The following ELF2 variants were observed in gnomAD, a reference collection of about 807,000 sequenced individuals.
ELF2 encodes E74 like ETS transcription factor 2, also known as ETS-related transcription factor Elf-2.
ELF2 carries 11 observed loss-of-function variants against 54.8 expected under a neutral mutation model. That is an observed-to-expected ratio of 0.20 (90% CI 0.13 to 0.33). The LOEUF (loss-of-function observed/expected upper bound fraction) is 0.33, where lower values mean the gene tolerates loss of function less well. Among genes scored for constraint, ELF2 ranks in the 10% least tolerant of loss-of-function variants. ELF2 has a pLI of 1.00. For missense variants in ELF2, 513 were observed against 703.0 expected (o/e 0.73, Z 3.06); for synonymous variants, 203 against 245.1 (o/e 0.83, Z 1.61).
At chr4:139,148,395 G>A (rs1390474795) in intron 1 of ELF2, among the ~76,000 whole-genome samples, 10 of 125,842 alleles carry the variant, frequency 7.9e-5, no homozygotes, top group African/African-American at 2.4e-4. Context: ...TCAAATTCCT[G>A]GGCTCAAGTG....
chr4:139,083,048 C>A (rs928231514), intron 4 of ELF2, among the ~76,000 whole-genome samples: 4 of 152,174 alleles, frequency 2.6e-5, no homozygotes, highest in African/African-American at 4.8e-5. Flanking sequence ...ATTGGCCCAG[C>A]GCGGGCCCGT....
intron 4 of ELF2, among the ~76,000 whole-genome samples, chr4:139,092,635 C>G (rs1000298155): frequency 2.6e-5 from 4 of 151,616 alleles, no homozygotes; most frequent in African/African-American, 9.7e-5. Context: ...CACGTCTCTA[C>G]TAAAAAATAC....
chr4:139,116,050 G>A (rs1735677839), intron 4 of ELF2, among the ~76,000 whole-genome samples: 1 of 152,038 alleles, frequency 6.6e-6, no homozygotes. Context: ...TGCCAAGTTG[G>A]CCAGGCTGGT....
intron 1 of ELF2, among the ~76,000 whole-genome samples, chr4:139,142,389 T>C (rs1286194549): frequency 6.8e-6 from 1 of 146,926 alleles, no homozygotes; most frequent in Non-Finnish European, 1.5e-5. Context: ...TGAAGTGAAG[T>C]GAGCAAGAGG....
At chr4:139,165,970 GCTGATTATAATAAA>G (rs1741678544) in intron 1 of ELF2, among the ~76,000 whole-genome samples, 1 of 152,108 alleles carries the variant, frequency 6.6e-6, no homozygotes, top group Admixed American at 6.5e-5. Flanking sequence ...TTTGTCAATT[GCTGATTATAATAAA>G]CTTCATCAGA....
chr4:139,153,403 C>T (rs1369611597), intron 1 of ELF2, among the ~76,000 whole-genome samples: 2 of 151,418 alleles, frequency 1.3e-5, no homozygotes, highest in African/African-American at 4.9e-5. Context: ...CCACTGCACT[C>T]CAGCCTGAGT....
chr4:139,086,732 A>G (rs368688212), intron 4 of ELF2, among the ~76,000 whole-genome samples: 3 of 152,236 alleles, frequency 2.0e-5, no homozygotes, highest in African/African-American at 7.2e-5. Context: ...TGAAAGTCTT[A>G]GAGACAATAT....
At chr4:139,059,683 A>G (rs764836073) in intron 9 of ELF2, 76 bp from the exon 10 acceptor site, 16 of 1,509,370 alleles carry the variant, frequency 1.1e-5, no homozygotes, top group Non-Finnish European at 1.3e-5. Context: ...TAAAAGATTA[A>G]TACAAATCCA....
intron 4 of ELF2, among the ~76,000 whole-genome samples, chr4:139,123,983 A>T (rs1196780976): frequency 1.3e-5 from 2 of 152,210 alleles, no homozygotes. Flanking sequence ...TATATACTGT[A>T]AATCAGATAC....
chr4:139,151,531 C>A (rs947955545), intron 1 of ELF2, among the ~76,000 whole-genome samples: 21 of 152,188 alleles, frequency 1.4e-4, no homozygotes, highest in African/African-American at 4.6e-4. Context: ...AAATCTGATG[C>A]GAGTTCTTGT....
intron 5 of ELF2, chr4:139,072,252 T>G: frequency 2.0e-6 from 1 of 492,314 alleles, no homozygotes; most frequent in South Asian, 2.6e-5. Flanking sequence ...AGGAAAAATG[T>G]TAATCCTCTG....
intron 4 of ELF2, among the ~76,000 whole-genome samples, chr4:139,107,570 C>A (rs183110053): frequency 1.5e-4 from 23 of 152,110 alleles, no homozygotes; most frequent in Admixed American, 1.4e-3. Context: ...TAATAACAAT[C>A]AACAGCTAAT....
intron 3 of ELF2, among the ~76,000 whole-genome samples, chr4:139,131,385 G>A (rs1360097679): frequency 6.6e-6 from 1 of 152,178 alleles, no homozygotes; most frequent in African/African-American, 2.4e-5. Context: ...CAAGTGCAAT[G>A]CTGCAGTGTT....
At chr4:139,138,018 C>T (rs903299112) in intron 2 of ELF2, among the ~76,000 whole-genome samples, 151 bp from the exon 3 acceptor site, 3 of 152,196 alleles carry the variant, frequency 2.0e-5, no homozygotes, top group African/African-American at 7.2e-5. Flanking sequence ...CAGTAATGAA[C>T]ATTCTGCTTC....
intron 4 of ELF2, among the ~76,000 whole-genome samples, chr4:139,089,425 A>G (rs368642687): frequency 6.6e-6 from 1 of 152,230 alleles, no homozygotes. Context: ...GAAATAACAT[A>G]TAACAGATGA....
At chr4:139,075,234 T>C (rs1476010134) in intron 4 of ELF2, among the ~76,000 whole-genome samples, 32 of 152,234 alleles carry the variant, frequency 2.1e-4, no homozygotes, top group South Asian at 2.1e-4. Context: ...GTCCAACAGC[T>C]TGGGTTCCAG....
intron 4 of ELF2, among the ~76,000 whole-genome samples, chr4:139,110,904 A>G (rs984664935): frequency 1.3e-5 from 2 of 152,238 alleles, no homozygotes; most frequent in African/African-American, 4.8e-5. Flanking sequence ...GATAGTAATT[A>G]TCTTAAGGAA....
At chr4:139,121,095 A>ATTTTTTTTTT (rs10711256) in intron 4 of ELF2, among the ~76,000 whole-genome samples, 3 of 65,084 alleles carry the variant, frequency 4.6e-5, no homozygotes, top group African/African-American at 2.3e-4. Context: ...TATAACACAG[A>ATTTTTTTTTT]TTTTTTTTTT....
intron 4 of ELF2, among the ~76,000 whole-genome samples, chr4:139,099,061 G>T (rs1733605105): frequency 6.6e-6 from 1 of 152,092 alleles, no homozygotes; most frequent in South Asian, 2.1e-4. Context: ...CTATGTTCTG[G>T]ATGTTTAAAA....
Sources: allele counts gnomAD v4.1 joint callset (sites outside exome capture counted in the v4.1 genomes callset), GRCh38; gene constraint gnomAD v4.1.1; transcripts MANE v1.5; gene names NCBI Gene and HGNC (gene_info 2026-07-23, HGNC 2026-07-21).